SLC19A1: variants seen among roughly 807,000 people sequenced by gnomAD.
SLC19A1 encodes solute carrier family 19 member 1.
SLC19A1 carries 37 observed loss-of-function variants against 35.3 expected under a neutral mutation model. The ratio of observed to expected loss-of-function variants is 1.05; its 90% confidence interval spans 0.81 to 1.38. The LOEUF (loss-of-function observed/expected upper bound fraction) is 1.38, where lower values mean the gene tolerates loss of function less well. Among genes scored for constraint, SLC19A1 ranks in the 40% most tolerant of loss-of-function variants. The pLI is 0.00. For missense variants in SLC19A1, 831 were observed against 826.9 expected, an observed-to-expected ratio of 1.00 and a Z score of -0.06; for synonymous variants, 460 against 398.5, an observed-to-expected ratio of 1.15 and a Z score of -1.84.
At position 45,515,999 on chromosome 21, in the gene SLC19A1, TCTC is replaced by T. The variant is rs770389683; in HGVS notation, c.1432_1434del (p.Glu478del). The T allele has an allele frequency of 8.3e-6, 13 of 1,568,484 alleles. No individual in the cohort carries two copies. The African/African-American group carries it at 1.3e-4, about 16-fold the overall frequency. The stretch of plus-strand genomic sequence containing the variant: ...TGCACGCTCAGTGCCTGTGCTGCCT[TCTC>T]CTCCGCGGCACTCCTCAGGCCCTGG... On this transcript the variant is annotated inframe_deletion, in exon 6 of 6. Coordinates refer to ENST00000311124, the MANE Select transcript of SLC19A1 (RefSeq NM_194255.4).
downstream of SLC19A1, chr21:45,512,530 A>T: frequency 2.5e-6 from 2 of 787,260 alleles, no homozygotes; most frequent in Non-Finnish European, 4.1e-6. Context: ...TTCACGTTTC[A>T]TGTAATCCTC....
At chr21:45,510,896 G>C (rs1295605149), downstream of SLC19A1, among the ~76,000 whole-genome samples, 1 of 151,990 alleles carries the variant, frequency 6.6e-6, no homozygotes, top group Non-Finnish European at 1.5e-5. Flanking sequence ...TTGTTCCCTG[G>C]CAGGACATGC....
chr21:45,506,083 C>T (rs542598611), intron 3 of SLC19A1: 25 of 1,506,054 alleles, frequency 1.7e-5, no homozygotes, highest in Middle Eastern at 2.2e-4. Context: ...TGGCAGCCAG[C>T]GCTTCTTAAA....
intron 5 of SLC19A1, among the ~76,000 whole-genome samples, chr21:45,518,733 G>T (rs1568974874): frequency 6.6e-6 from 1 of 152,086 alleles, no homozygotes. Context: ...AAAGAACACT[G>T]TCTACCCAGC....
Position 45,540,912 on chromosome 21 carries a change from G to A in SLC19A1, c.-50+1456C>T, listed in dbSNP as rs557424397. ...AAGCACCAGAGAAGGCCAGAGACCC[G>A]CAATCAAAACACAAGCAAACGCCAC... On this transcript the variant is annotated intron_variant, in intron 1 of 5. Transcript: ENST00000311124. This position sits in a 1 kb window ranked among gnomAD's most constrained non-coding sequence, Gnocchi z 5.5. Among the ~76,000 whole-genome samples the A allele has an allele frequency of 2.6e-5, 4 of 152,254 alleles. No homozygotes were observed. The East Asian group carries it at 5.8e-4, about 22-fold the overall frequency.
chr21:45,521,043 A>T (rs891722017), intron 5 of SLC19A1, among the ~76,000 whole-genome samples: 2 of 151,996 alleles, frequency 1.3e-5, no homozygotes, highest in Non-Finnish European at 2.9e-5. Flanking sequence ...AACAAACGAA[A>T]AAAAGATACC....
At chr21:45,560,158 C>T (rs571770709) in intron 1 of SLC19A1, among the ~76,000 whole-genome samples, 14 of 152,292 alleles carry the variant, frequency 9.2e-5, no homozygotes, top group African/African-American at 2.6e-4. Flanking sequence ...TCCTGGGGAG[C>T]GGCCTGGCCC....
chr21:45,504,158 T>C, intron 3 of SLC19A1: 1 of 1,354,064 alleles, frequency 7.4e-7, no homozygotes, highest in Non-Finnish European at 1.1e-6. Flanking sequence ...CCCCTTCCTG[T>C]TCAGCCCTGC....
intron 1 of SLC19A1, among the ~76,000 whole-genome samples, chr21:45,561,559 G>A (rs1259202112): frequency 2.0e-5 from 3 of 152,026 alleles, no homozygotes; most frequent in African/African-American, 7.3e-5. Flanking sequence ...TTAGGAGTTC[G>A]AGACCAGCCT....
Position 45,530,882 on chromosome 21 carries a change from C to T in SLC19A1, c.1039G>A (p.Ala347Thr), listed in dbSNP as rs903517522. 6.7e-7 allele frequency: 1 copy of T among 1,485,266 alleles called. No individual in the cohort carries two copies. Among genetic ancestry groups the T allele is most frequent in the Non-Finnish European group, 8.9e-7 (1 of 1,119,424 alleles). The allele number at this position is 1,485,266 out of a possible 1,614,324, so 92.0% of individuals were successfully genotyped here. ...LLIAGVTATQ[A>T]GLVFLLAHTR... is the part of the protein sequence containing the mutation. Reference sequence around the variant, plus strand: ...TGCGCCAGAAGGAAGACCAGCCCCGCCTGCGTGGCCGTGACGCCCGCGATG... The same window carrying T: ...TGCGCCAGAAGGAAGACCAGCCCCGTCTGCGTGGCCGTGACGCCCGCGATG... Residue 347 changes from alanine (A) to threonine (T), a missense_variant, in exon 4 of 6, where the codon GCG becomes ACG. Coordinates refer to ENST00000311124, the MANE Select transcript of SLC19A1 (RefSeq NM_194255.4). The surrounding 1 kb of genome is among the most constrained non-coding windows in gnomAD (Gnocchi z 5.3).
chr21:45,511,673 A>C (rs940510177), downstream of SLC19A1, among the ~76,000 whole-genome samples: 1 of 151,542 alleles, frequency 6.6e-6, no homozygotes, highest in Middle Eastern at 3.2e-3. Flanking sequence ...TGCCCTCCCC[A>C]CGTGAGCGCC....
intron 3 of SLC19A1, chr21:45,504,993 T>C (rs1451383541): frequency 8.5e-6 from 9 of 1,062,800 alleles, no homozygotes; most frequent in Non-Finnish European, 9.7e-6. Context: ...TTTCTCAGGC[T>C]ATGGCGTGGG....
chr21:45,528,939 G>A (rs781488795), intron 4 of SLC19A1, among the ~76,000 whole-genome samples: 2 of 152,230 alleles, frequency 1.3e-5, no homozygotes, highest in East Asian at 1.9e-4. Context: ...TTTTTGCGAT[G>A]GGCATCAATG....
rs1219469652 is a variant in SLC19A1, at chr21:45,534,953, G to A, written c.190-2805C>T. 6.6e-6 allele frequency among the ~76,000 whole-genome samples: 1 copy of A among 152,282 alleles called. No homozygotes were observed. Among genetic ancestry groups the A allele is most frequent in the African/African-American group, 2.4e-5 (1 of 41,482 alleles). ...AGGCTGAATGGGCAGAGTGCAGGCA[G>A]CTGCGCCCAAATCTACGTCCAGACG... is the stretch of plus-strand genomic sequence containing the variant. On this transcript the variant is annotated intron_variant, in intron 2 of 5. Coordinates refer to ENST00000311124, the MANE Select transcript of SLC19A1 (RefSeq NM_194255.4). The surrounding 1 kb of genome is among the most constrained non-coding windows in gnomAD (Gnocchi z 4.2).
intron 5 of SLC19A1, among the ~76,000 whole-genome samples, chr21:45,521,031 AAAAC>A (rs926704421): frequency 1.8e-4 from 27 of 151,976 alleles, no homozygotes; most frequent in Non-Finnish European, 3.7e-4. Flanking sequence ...AAAAAAAAAA[AAAAC>A]AAACGAAAAA....
chr21:45,535,825 T>C (rs2078093282), intron 2 of SLC19A1, among the ~76,000 whole-genome samples: 1 of 152,256 alleles, frequency 6.6e-6, no homozygotes, highest in Non-Finnish European at 1.5e-5. Context: ...CGAACCCACG[T>C]GGAACGTCTC....
rs1329909625 is a variant in SLC19A1, at chr21:45,507,441, C to T, written c.498-8829G>A. On this transcript the variant is annotated intron_variant, in intron 3 of 4. Transcript: ENST00000417954. ...AGGGGCAGGTGCTGGGCAGGGAGGG[C>T]ACCCTCCTGTGGGCTGGGAGGGCCA... The T allele has an allele frequency of 8.6e-5, 76 of 888,016 alleles. No homozygotes were observed. In the East Asian group the frequency reaches 1.9e-3, roughly 22 times the overall value. The allele number at this position is 888,016 out of a possible 1,614,324, so 55.0% of individuals were successfully genotyped here. A position where few individuals can be genotyped will look rare whatever the true frequency, so the allele number is the denominator to read the frequency against.
At position 45,515,840 on chromosome 21, in the gene SLC19A1, G is replaced by T; in HGVS notation, c.1594C>A (p.Gln532Lys). 6.2e-7 allele frequency: 1 copy of T among 1,602,860 alleles called. No individual in the cohort carries two copies. The highest frequency in any genetic ancestry group is 8.5e-7 in the Non-Finnish European group (1 of 1,173,438). ...DPYLAQAPAP[Q>K]AAEFLSPVTT... ...ACTGGGCTCAGGAATTCAGCTGCCT[G>T]CGGGGCCGGGGCCTGGGCCAGGTAT... Residue 532 changes from glutamine to lysine, a missense_variant, in exon 6 of 6, where the codon CAG becomes AAG. Coordinates refer to ENST00000311124, the MANE Select transcript of SLC19A1 (RefSeq NM_194255.4).
upstream of SLC19A1, among the ~76,000 whole-genome samples, chr21:45,545,252 G>A (rs955019977): frequency 6.6e-6 from 1 of 152,180 alleles, no homozygotes; most frequent in African/African-American, 2.4e-5. Flanking sequence ...GGGGCCTGGC[G>A]GGAGGTGTTG....
Sources: gnomAD v4.1 joint callset for allele counts (sites outside exome capture counted in the v4.1 genomes callset) on GRCh38, gnomAD v4.1.1 for gene constraint, Gnocchi (gnomAD v3.1) non-coding constraint, MANE v1.5 for transcripts, NCBI Gene and HGNC (gene_info 2026-07-23, HGNC 2026-07-21) for gene names.